Variants in CFAP92 observed in about 807,000 individuals in gnomAD.
The protein encoded by CFAP92 is cilia and flagella associated protein 92 (putative).
A neutral mutation model predicts 106.3 loss-of-function variants in CFAP92; 86 were observed. The observed-to-expected ratio is 0.81, with a 90% CI of 0.68 to 0.97. The LOEUF (loss-of-function observed/expected upper bound fraction) is 0.97, where lower values mean the gene tolerates loss of function less well. Among genes scored for constraint, CFAP92 ranks in the 50% least tolerant of loss-of-function variants. The pLI, the probability that CFAP92 is intolerant of heterozygous loss-of-function variation, is 0.00. For synonymous variants in CFAP92, 477 were observed against 506.4 expected, an observed-to-expected ratio of 0.94 and a Z score of 0.78; for missense variants, 1,204 against 1,283.8, an observed-to-expected ratio of 0.94 and a Z score of 0.95.
At chr3:128,989,277 C>T (rs1022559573) in intron 2 of CFAP92, among the ~76,000 whole-genome samples, 14 of 138,018 alleles carry the variant, frequency 1.0e-4, no homozygotes, top group African/African-American at 3.8e-4. Context: ...CCTCCTGGCC[C>T]TAAGAAGCAG....
At chr3:128,955,709 A>T (rs1228076069) in intron 9 of CFAP92, among the ~76,000 whole-genome samples, 4,159 of 18,890 alleles carry the variant, frequency 0.22, 15 homozygotes, top group Admixed American at 0.24. Flanking sequence ...CCAGGATGAC[A>T]ATGGCGGCTT....
In CFAP92 at chr3:128,945,340, G is replaced by A. The variant is rs546954046; in HGVS notation, c.1989C>T (p.Phe663=). 3.3e-6 allele frequency: 5 copies of A among 1,536,154 alleles called. No individual in the cohort carries two copies. In the East Asian group the frequency reaches 7.3e-5, roughly 23 times the overall value. ...LGGSQFGRII[F]VFDFKKVSLL... is the part of the protein sequence containing the mutation. ...GGGAGACCTTCTTAAAGTCAAAGACGAAGATGATGCGGCCAAACTGGGAGC... is the reference window on the plus strand; with the variant it reads ...GGGAGACCTTCTTAAAGTCAAAGACAAAGATGATGCGGCCAAACTGGGAGC... Residue 663 remains phenylalanine (F), a synonymous_variant, in exon 10 of 16, where the codon TTC becomes TTT. Coordinates refer to ENST00000645291, the MANE Select transcript of CFAP92 (RefSeq NM_001394090.1).
Position 128,986,780 on chromosome 3 carries a change from G to A in CFAP92, c.667+836C>T, listed in dbSNP as rs577265125. Among the ~76,000 whole-genome samples the A allele has an allele frequency of 2.6e-5, 4 of 152,286 alleles. No homozygotes were observed. In the South Asian group the frequency reaches 6.2e-4, roughly 24 times the overall value. On this transcript the variant is annotated intron_variant, in intron 4 of 15. Coordinates refer to ENST00000645291, the MANE Select transcript of CFAP92 (RefSeq NM_001394090.1). ...CCAAGTCACCAACAAGTACAAGATG[G>A]AGACAGGACTGAATTCTACCGTCTG...
At chr3:128,957,532 A>G (rs1941536721) in intron 9 of CFAP92, among the ~76,000 whole-genome samples, 1 of 152,250 alleles carries the variant, frequency 6.6e-6, no homozygotes, top group Non-Finnish European at 1.5e-5. Flanking sequence ...ATGGAATTCT[A>G]AAAATGGGTC....
chr3:128,957,224 G>C (rs1941511211), intron 9 of CFAP92, among the ~76,000 whole-genome samples: 2 of 152,200 alleles, frequency 1.3e-5, no homozygotes, highest in South Asian at 4.1e-4. Context: ...TAGAACCACG[G>C]GTAAACAAAT....
chr3:128,981,907 T>C (rs946993632), intron 4 of CFAP92, among the ~76,000 whole-genome samples: 1 of 152,206 alleles, frequency 6.6e-6, no homozygotes, highest in African/African-American at 2.4e-5. Context: ...CTTTAAATAT[T>C]CAGTAAACCA....
At chr3:128,951,851 C>T (rs1313992734) in intron 9 of CFAP92, among the ~76,000 whole-genome samples, 2 of 152,184 alleles carry the variant, frequency 1.3e-5, no homozygotes, top group Non-Finnish European at 2.9e-5. Context: ...CTCCTTACCT[C>T]ACTGGGGTAG....
chr3:128,985,231 G>A (rs1943778402), intron 4 of CFAP92, among the ~76,000 whole-genome samples: 1 of 152,178 alleles, frequency 6.6e-6, no homozygotes, highest in African/African-American at 2.4e-5. Flanking sequence ...GGCCAAGGCA[G>A]GAGGATTGCT....
chr3:128,912,716 T>C (rs1936480588), intron 15 of CFAP92: 1 of 1,056,460 alleles, frequency 9.5e-7, no homozygotes, highest in East Asian at 2.4e-5. Flanking sequence ...GTTAAGCCTT[T>C]TGTTCCCCGT....
At position 128,952,914 on chromosome 3, in the gene CFAP92, A is replaced by G. The variant is rs372951997; in HGVS notation, c.1354-6939T>C. ...CCTGACCAAGATAGTGAAACCCCAT[A>G]TCTACTAAAAATACAAAAATTAGCC... On this transcript the variant is annotated intron_variant, in intron 9 of 15. Transcript: ENST00000645291. Among the ~76,000 whole-genome samples the G allele has an allele frequency of 1.3e-4, 20 of 151,884 alleles. 1 individual carries two copies. In the South Asian group the frequency reaches 3.7e-3, roughly 28 times the overall value.
rs1361628010 is a variant in CFAP92, at chr3:128,971,676, T to C, written c.1022-243A>G. Among the ~76,000 whole-genome samples the C allele has an allele frequency of 2.0e-5, 3 of 152,308 alleles. No homozygotes were observed. In the East Asian group the frequency reaches 5.8e-4, roughly 29 times the overall value. ...CCTCTCATTCCCCGCCTCTGCTAAC[T>C]GAGAACACAGACAGAAGAGAACTAA... On this transcript the variant is annotated intron_variant, in intron 7 of 15. Coordinates refer to ENST00000645291, the MANE Select transcript of CFAP92 (RefSeq NM_001394090.1).
chr3:128,991,307 G>T (rs1009501477), intron 2 of CFAP92, among the ~76,000 whole-genome samples: 1 of 152,138 alleles, frequency 6.6e-6, no homozygotes, highest in Admixed American at 6.6e-5. Flanking sequence ...ATGACAAAAA[G>T]TTCAGTTCAC....
Position 128,965,914 on chromosome 3 carries a change from T to C in CFAP92, c.1169-219A>G, listed in dbSNP as rs868785715. The stretch of plus-strand genomic sequence containing the variant: ...TGAGGTCCCGTAAATTCTCTAGAAT[T>C]GAATTTGTGTGACTTAATCTTGATG... On this transcript the variant is annotated intron_variant, in intron 8 of 15. Transcript: ENST00000645291. 5.3e-5 allele frequency among the ~76,000 whole-genome samples: 8 copies of C among 152,282 alleles called. No homozygotes were observed. The South Asian group carries it at 6.2e-4, about 12-fold the overall frequency.
Position 128,915,213 on chromosome 3 carries a change from C to T in CFAP92, c.3186G>A (p.Trp1062Ter). 6.5e-7 allele frequency: 1 copy of T among 1,536,162 alleles called. No individual in the cohort carries two copies. Among genetic ancestry groups the T allele is most frequent in the Non-Finnish European group, 8.7e-7 (1 of 1,146,920 alleles). Residue 1062 changes from tryptophan (W) to a stop codon, truncating the protein, a stop_gained, in exon 15 of 16, where the codon TGG becomes TGA. Transcript: ENST00000645291. LOFTEE classifies it high-confidence loss of function. ...VLEPVLDRDRWSWDRHHVDFD... is the reference protein window; with the variant it reads ...VLEPVLDRDR ...AGTCCACGTGGTGCCTGTCCCAGCT[C>T]CACCTGTCTCGATCCAACACAGGCT...
At chr3:128,953,184 G>A (rs1246361498) in intron 9 of CFAP92, among the ~76,000 whole-genome samples, 1 of 152,030 alleles carries the variant, frequency 6.6e-6, no homozygotes, top group Non-Finnish European at 1.5e-5. Context: ...ACAGAGGAAA[G>A]AATCTGTAAA....
rs1345212176 is a variant in CFAP92, at chr3:128,945,077, T to TGTG, written c.2251_2252insCAC (p.His750_Gln751insPro). ...TGTAAAACAAACCACCTACCAGCTT[T>TGTG]GGTGGTTCTCCCACAGCTGCCTCAA... On this transcript the variant is annotated inframe_insertion, in exon 10 of 16. Transcript: ENST00000645291. 7 of 1,519,022 alleles carry TGTG rather than the reference T, an allele frequency of 4.6e-6. No homozygotes were observed. Among genetic ancestry groups the TGTG allele is most frequent in the African/African-American group, 1.4e-5 (1 of 72,504 alleles). The allele number at this position is 1,519,022 out of a possible 1,614,324, so 94.1% of individuals were successfully genotyped here.
upstream of CFAP92, among the ~76,000 whole-genome samples, chr3:129,005,015 T>A (rs1945007300): frequency 1.3e-5 from 2 of 152,198 alleles, no homozygotes; most frequent in South Asian, 2.1e-4. Context: ...ACATGGTAGA[T>A]GCTTGGTAGA....
intron 9 of CFAP92, among the ~76,000 whole-genome samples, chr3:128,958,010 C>T (rs1941579412): frequency 1.3e-5 from 2 of 152,158 alleles, no homozygotes; most frequent in African/African-American, 4.8e-5. Context: ...ATCCACTTTC[C>T]ATGTGGCGTT....
At chr3:128,922,621 A>G (rs73210615) in intron 12 of CFAP92, among the ~76,000 whole-genome samples, 6,311 of 152,300 alleles carry the variant, frequency 0.041, 172 homozygotes, top group Non-Finnish European at 0.058. Flanking sequence ...GCTTTAAATC[A>G]ATGGCCCCAA....
Sources: allele counts gnomAD v4.1 joint callset (sites outside exome capture counted in the v4.1 genomes callset), GRCh38; gene constraint gnomAD v4.1.1; transcripts MANE v1.5; gene names NCBI Gene and HGNC (gene_info 2026-07-23, HGNC 2026-07-21).